Variants in DDX4 observed in about 807,000 individuals in gnomAD.
The protein encoded by DDX4 is probable ATP-dependent RNA helicase DDX4.
In DDX4, 25 loss-of-function variants were observed where a neutral mutation model predicts 100.0. That is an observed-to-expected ratio of 0.25 (90% CI 0.18 to 0.35). The LOEUF (loss-of-function observed/expected upper bound fraction) is 0.35. Ranked by LOEUF, DDX4 falls within the 10% of genes least tolerant of loss-of-function variation. The pLI, the probability that DDX4 is intolerant of heterozygous loss-of-function variation, is 1.00. For synonymous variants in DDX4, 259 were observed against 275.7 expected (o/e 0.94, Z 0.60); for missense variants, 635 against 882.4 (o/e 0.72, Z 3.55).
chr5:55,761,769 A>T lies in DDX4; in HGVS notation c.206-1406A>T, dbSNP rs540380534. 4.1e-4 allele frequency among the ~76,000 whole-genome samples: 62 copies of T among 151,922 alleles called. 2 individuals carry two copies. In the South Asian group the frequency reaches 0.013, roughly 31 times the overall value. On this transcript the variant is annotated intron_variant, in intron 4 of 21. Coordinates refer to ENST00000505374, the MANE Select transcript of DDX4 (RefSeq NM_024415.3). ...ATTACAGGTGTGCGCCACCACGCCC[A>T]GCTAATTGTTTTTTATTAGTAGTAG...
rs143642127 is a variant in DDX4, at chr5:55,785,206, G to A, written c.626-91G>A. ...TAAGAAGGGAATTTAAAGTTTTTTG[G>A]AACTTGTTCTCTTTGAAGACAAGCA... On this transcript the variant is annotated intron_variant, in intron 10 of 21. Transcript: ENST00000505374. 1.1e-3 allele frequency: 881 copies of A among 834,696 alleles called. 5 individuals carry two copies. The African/African-American group carries it at 0.014, about 13-fold the overall frequency. The allele number at this position is 834,696 out of a possible 1,614,324, so 51.7% of individuals were successfully genotyped here.
intron 17 of DDX4, among the ~76,000 whole-genome samples, chr5:55,794,288 A>C (rs972553536): frequency 4.0e-5 from 6 of 151,532 alleles, no homozygotes; most frequent in African/African-American, 1.5e-4. Flanking sequence ...CCCGGGTTCA[A>C]GCGATTCTCC....
intron 18 of DDX4, among the ~76,000 whole-genome samples, chr5:55,812,716 G>A (rs924699873): frequency 6.6e-6 from 1 of 152,144 alleles, no homozygotes; most frequent in African/African-American, 2.4e-5. Context: ...TCTAATTGGG[G>A]TATCTAAAGT....
At chr5:55,764,666 G>A (rs930344504) in intron 6 of DDX4, among the ~76,000 whole-genome samples, 2 of 152,292 alleles carry the variant, frequency 1.3e-5, no homozygotes, top group East Asian at 3.9e-4. Flanking sequence ...AATCATTGAT[G>A]TATGAAATCT....
At chr5:55,763,026 A>G (rs1740659635) in intron 4 of DDX4, 149 bp from the exon 5 acceptor site, 1 of 528,156 alleles carries the variant, frequency 1.9e-6, no homozygotes, top group Non-Finnish European at 3.4e-6. Flanking sequence ...TTTAAGTTGC[A>G]GGTATATTAA....
chr5:55,816,521 A>G lies in DDX4; in HGVS notation c.2156A>G (p.Asp719Gly), dbSNP rs1053019639. 3 of 1,613,226 alleles carry G rather than the reference A, an allele frequency of 1.9e-6. No individual in the cohort carries two copies. The African/African-American group carries it at 4.0e-5, about 22-fold the overall frequency. ...FSSSQAPNPV[D>G]DESWD Reference sequence around the variant, plus strand: ...TCTTCACAAGCTCCCAATCCAGTAGATGATGAGTCATGGGATTAAAGCCAA... The same window carrying G: ...TCTTCACAAGCTCCCAATCCAGTAGGTGATGAGTCATGGGATTAAAGCCAA... Residue 719 changes from aspartate to glycine, a missense_variant, in exon 22 of 22, where the codon GAT becomes GGT. By Grantham distance (94) the Asp-to-Gly change is moderately conservative. This residue lies in a region of DDX4 where 73 missense variants were observed against 98.5 expected (regional missense o/e 0.74). Transcript: ENST00000505374.
At chr5:55,807,254 G>T (rs2112158605) in intron 18 of DDX4, among the ~76,000 whole-genome samples, 1 of 152,322 alleles carries the variant, frequency 6.6e-6, no homozygotes, top group East Asian at 1.9e-4. Context: ...ACAGCACACT[G>T]ATGGGTCTTG....
chr5:55,806,906 A>G (rs1024710752), intron 18 of DDX4, among the ~76,000 whole-genome samples: 1 of 152,112 alleles, frequency 6.6e-6, no homozygotes, highest in African/African-American at 2.4e-5. Context: ...CGATCTGTCT[A>G]ATGTTGACAG....
intron 3 of DDX4, among the ~76,000 whole-genome samples, chr5:55,757,945 T>C (rs551315962): frequency 4.3e-4 from 65 of 152,304 alleles, no homozygotes; most frequent in African/African-American, 1.5e-3. Flanking sequence ...CTCAGGAGGC[T>C]GAGGCAGGAG....
chr5:55,790,480 G>A (rs1561505597), intron 15 of DDX4, 96 bp from the exon 16 acceptor site: 2 of 867,418 alleles, frequency 2.3e-6, no homozygotes, highest in Non-Finnish European at 3.7e-6. Flanking sequence ...TTGAATGTTT[G>A]TTTTTTTCTT....
intron 18 of DDX4, among the ~76,000 whole-genome samples, chr5:55,810,044 CA>C (rs994227565): frequency 6.9e-6 from 1 of 144,686 alleles, no homozygotes; most frequent in Non-Finnish European, 1.5e-5. Flanking sequence ...CACACACACA[CA>C]AAAAATAGAG....
chr5:55,771,306 G>T (rs1741240845), intron 7 of DDX4, among the ~76,000 whole-genome samples: 1 of 151,930 alleles, frequency 6.6e-6, no homozygotes, highest in Admixed American at 6.5e-5. Context: ...ACTCACTAAT[G>T]ACTCATTACC....
intron 17 of DDX4, among the ~76,000 whole-genome samples, chr5:55,795,078 C>T (rs978720619): frequency 2.6e-5 from 4 of 151,756 alleles, no homozygotes; most frequent in African/African-American, 7.3e-5. Flanking sequence ...CGACTCTCCT[C>T]CCTCAGCCTC....
At chr5:55,761,015 T>TA (rs1166455596) in intron 4 of DDX4, among the ~76,000 whole-genome samples, 1 of 152,216 alleles carries the variant, frequency 6.6e-6, no homozygotes, top group Non-Finnish European at 1.5e-5. Flanking sequence ...AAAACTCTAT[T>TA]GAGACTTGCA....
intron 6 of DDX4, chr5:55,766,951 T>C: frequency 6.6e-7 from 1 of 1,523,464 alleles, no homozygotes; most frequent in Non-Finnish European, 8.8e-7. Context: ...GAATTTATTT[T>C]TAACCAACTC....
At position 55,802,071 on chromosome 5, in the gene DDX4, T is replaced by TA. The variant is rs1010387893; in HGVS notation, c.1615+3508dup. On this transcript the variant is annotated intron_variant, in intron 18 of 21. Transcript: ENST00000505374. Reference sequence around the variant, plus strand: ...ATAAGGAAAGCCAACCTTTGTTCCTTAAAAAAAAGTATCTGGTCCTACCTA... The same window carrying TA: ...ATAAGGAAAGCCAACCTTTGTTCCTTAAAAAAAAAGTATCTGGTCCTACCTA... 1.3e-4 allele frequency among the ~76,000 whole-genome samples: 20 copies of TA among 152,074 alleles called. 1 individual carries two copies. The East Asian group carries it at 3.5e-3, about 26-fold the overall frequency.
At chr5:55,766,142 G>T (rs1303218585) in intron 6 of DDX4, among the ~76,000 whole-genome samples, 1 of 151,824 alleles carries the variant, frequency 6.6e-6, no homozygotes, top group Non-Finnish European at 1.5e-5. Flanking sequence ...ATAATTAATA[G>T]GTTGTAACTA....
At chr5:55,765,411 A>ATATATATATATATATATATATATAT in intron 6 of DDX4, among the ~76,000 whole-genome samples, 1 of 100,254 alleles carries the variant, frequency 1.0e-5, no homozygotes, top group African/African-American at 4.4e-5. Context: ...AAAAAAAAAA[A>ATATATATATATATATATATATATAT]AAATATATAT....
At chr5:55,750,571 G>A (rs1018870409) in intron 3 of DDX4, among the ~76,000 whole-genome samples, 3 of 152,084 alleles carry the variant, frequency 2.0e-5, no homozygotes, top group Non-Finnish European at 2.9e-5. Flanking sequence ...ATCTTCCAAC[G>A]TGATCTTGAT....
Sources: gnomAD v4.1 joint callset for allele counts (sites outside exome capture counted in the v4.1 genomes callset) on GRCh38, gnomAD v4.1.1 for gene constraint, gnomAD v4.1.1 regional missense constraint, MANE v1.5 for transcripts, NCBI Gene and HGNC (gene_info 2026-07-23, HGNC 2026-07-21) for gene names.